Variants in ODAD2 observed in about 807,000 individuals in gnomAD.
ODAD2 encodes the protein outer dynein arm-docking complex subunit 2.
In ODAD2, 89 loss-of-function variants were observed where a neutral mutation model predicts 106.8. That is an observed-to-expected ratio of 0.83 (90% CI 0.70 to 0.99). The LOEUF (loss-of-function observed/expected upper bound fraction) is 0.99, where lower values mean the gene tolerates loss of function less well. Ranked by LOEUF, ODAD2 falls within the 50% of genes least tolerant of loss-of-function variation. ODAD2 has a pLI of 0.00. For synonymous variants in ODAD2, 404 were observed against 436.2 expected, an observed-to-expected ratio of 0.93 and a Z score of 0.92; for missense variants, 1,168 against 1,238.5, an observed-to-expected ratio of 0.94 and a Z score of 0.85.
intron 19 of ODAD2, among the ~76,000 whole-genome samples, chr10:27,848,418 G>T (rs912075718): frequency 6.6e-6 from 1 of 151,752 alleles, no homozygotes; most frequent in Admixed American, 6.6e-5. Flanking sequence ...TACAAAAATT[G>T]ATTCAAGATG....
At chr10:27,990,061 G>A (rs1033076697) in intron 2 of ODAD2, among the ~76,000 whole-genome samples, 26 of 152,148 alleles carry the variant, frequency 1.7e-4, no homozygotes, top group Non-Finnish European at 2.8e-4. Context: ...AACCAGAATC[G>A]TGGAAGGGAG....
At chr10:27,987,733 C>T (rs1043943273) in intron 2 of ODAD2, among the ~76,000 whole-genome samples, 190 bp from the exon 3 acceptor site, 13 of 151,862 alleles carry the variant, frequency 8.6e-5, no homozygotes, top group African/African-American at 2.9e-4. Context: ...CTCAAACTTA[C>T]CAGCAAGCCT....
rs1835892739 is a variant in ODAD2 at position 27,813,434 on chromosome 10, T to A, written c.3022-809A>T. 3 of 152,236 alleles carry A rather than the reference T, an allele frequency of 2.0e-5. No homozygotes were observed. In the South Asian group the frequency reaches 6.2e-4, roughly 31 times the overall value. 9.4% of individuals were successfully genotyped at this position (152,236 alleles called of 1,614,324 possible). On this transcript the variant is annotated intron_variant, in intron 19 of 19. Coordinates refer to ENST00000305242, the MANE Select transcript of ODAD2 (RefSeq NM_018076.5). ...TAATGCTTTCTGTCCTTCTTTAGAT[T>A]CTAAATGCTTAAAGAAACGTACAGT...
chr10:27,971,252 T>G lies in ODAD2; in HGVS notation c.998A>C (p.Lys333Thr). The change falls in exon 8 of 20, where the codon AAG (lysine) becomes ACG (threonine). Residue 333 changes from lysine to threonine, a missense_variant. Physicochemically the swap from Lys to Thr is moderately conservative, Grantham distance 78. This residue lies in a region of ODAD2 where 430 missense variants were observed against 452.2 expected (regional missense o/e 0.95). Transcript: ENST00000305242. ...TTTGCGGAGGGCAGCTGCTTCTTCC[T>G]TCTTGGGGGCTTTGCCAAGCTGATC... ...EKDQLGKAPK[K>T]EEAAALRKDI... The G allele has an allele frequency of 6.2e-7, 1 of 1,613,724 alleles. No individual in the cohort carries two copies. The highest frequency in any genetic ancestry group is 2.2e-5 in the East Asian group (1 of 44,876).
At chr10:27,993,566 C>T (rs1850358597) in intron 2 of ODAD2, among the ~76,000 whole-genome samples, 1 of 151,984 alleles carries the variant, frequency 6.6e-6, no homozygotes. Context: ...AGGAGAATTG[C>T]TTGAACCAGA....
In ODAD2 at chr10:27,994,893, A is replaced by G. The variant is rs1348237775; in HGVS notation, c.224+26T>C. 3.1e-6 allele frequency: 5 copies of G among 1,611,794 alleles called. No homozygotes were observed. In the Admixed American group the frequency reaches 5.0e-5, roughly 16 times the overall value. ...ATACTATGTACAACGAAGATATCAA[A>G]TCCTAGAAGCAAGTAACTGGCTTAC... On this transcript the variant is annotated intron_variant, in intron 2 of 19. Transcript: ENST00000305242.
intron 10 of ODAD2, among the ~76,000 whole-genome samples, chr10:27,946,948 G>A (rs745554029): frequency 1.5e-4 from 23 of 152,066 alleles, no homozygotes; most frequent in Non-Finnish European, 2.6e-4. Context: ...CAACTGTCCC[G>A]TGAAGATGTC....
At chr10:27,977,334 G>T (rs936264743) in intron 7 of ODAD2, among the ~76,000 whole-genome samples, 10 of 151,820 alleles carry the variant, frequency 6.6e-5, no homozygotes, top group Non-Finnish European at 1.0e-4. Flanking sequence ...AGAGGCCAAG[G>T]TCGGCAGATC....
chr10:27,894,440 A>G (rs1160412893), intron 17 of ODAD2, among the ~76,000 whole-genome samples: 4 of 152,128 alleles, frequency 2.6e-5, no homozygotes, highest in Non-Finnish European at 5.9e-5. Context: ...ATGTACCACC[A>G]AGAAAATCAC....
intron 1 of ODAD2, among the ~76,000 whole-genome samples, chr10:27,997,961 A>C (rs1215557966): frequency 6.6e-6 from 1 of 152,258 alleles, no homozygotes; most frequent in East Asian, 1.9e-4. Context: ...GGATGTTTAC[A>C]TAAACTGGGA....
chr10:27,901,019 CA>C (rs1564482746), intron 17 of ODAD2, among the ~76,000 whole-genome samples: 1 of 152,172 alleles, frequency 6.6e-6, no homozygotes, highest in Non-Finnish European at 1.5e-5. Flanking sequence ...TCATCAGATT[CA>C]GCAAGATTGA....
intron 16 of ODAD2, among the ~76,000 whole-genome samples, chr10:27,931,316 G>T (rs574925812): frequency 6.6e-5 from 10 of 151,332 alleles, no homozygotes; most frequent in African/African-American, 2.4e-4. Flanking sequence ...CCCTGTTTGG[G>T]TGAATATAAT....
At chr10:27,924,988 GA>G (rs34887332) in intron 16 of ODAD2, among the ~76,000 whole-genome samples, 3,596 of 127,854 alleles carry the variant, frequency 0.028, 124 homozygotes, top group African/African-American at 0.1. Context: ...TATTTAAAAT[GA>G]AAAAAAAAAA....
Position 27,881,722 on chromosome 10 carries a change from A to C in ODAD2, c.2611-19100T>G, listed in dbSNP as rs962654934. On this transcript the variant is annotated intron_variant, in intron 17 of 19. Coordinates refer to ENST00000305242, the MANE Select transcript of ODAD2 (RefSeq NM_018076.5). ...ATTCTATGTTTATATAACTAAAACCACTTTTATTCATTAATTCATTTGGTA... is the reference window on the plus strand; with the variant it reads ...ATTCTATGTTTATATAACTAAAACCCCTTTTATTCATTAATTCATTTGGTA... 3.3e-5 allele frequency among the ~76,000 whole-genome samples: 5 copies of C among 152,300 alleles called. No individual in the cohort carries two copies. The East Asian group carries it at 9.6e-4, about 29-fold the overall frequency.
At chr10:27,932,274 TTATAC>T (rs1336895136) in intron 16 of ODAD2, among the ~76,000 whole-genome samples, 1 of 152,074 alleles carries the variant, frequency 6.6e-6, no homozygotes, top group African/African-American at 2.4e-5. Flanking sequence ...AAAGCCTATC[TTATAC>T]TAAAGTGTTG....
intron 2 of ODAD2, among the ~76,000 whole-genome samples, chr10:27,990,323 T>G (rs1488106368): frequency 6.6e-6 from 1 of 152,134 alleles, no homozygotes; most frequent in Admixed American, 6.6e-5. Flanking sequence ...GCTTATTTAT[T>G]CGTTGGTCTG....
chr10:27,963,773 T>G (rs1380610396), intron 9 of ODAD2, among the ~76,000 whole-genome samples: 2 of 151,320 alleles, frequency 1.3e-5, no homozygotes, highest in South Asian at 2.1e-4. Flanking sequence ...ATATATTGTA[T>G]GAATTTCATT....
chr10:27,892,593 T>C (rs1169188413), intron 17 of ODAD2, among the ~76,000 whole-genome samples: 5 of 152,206 alleles, frequency 3.3e-5, no homozygotes, highest in African/African-American at 1.2e-4. Context: ...ATACTTGCTT[T>C]CTCCAAAATG....
At position 27,984,211 on chromosome 10, in the gene ODAD2, C is replaced by T; in HGVS notation, c.655G>A (p.Val219Ile). The change falls in exon 5 of 20, where the codon GTC becomes ATC. Residue 219 changes from valine (V) to isoleucine (I), a missense_variant. Val to Ile is a conservative substitution (Grantham distance 29). Coordinates refer to ENST00000305242, the MANE Select transcript of ODAD2 (RefSeq NM_018076.5). ...KRFSGKGNQTVLESIEYTSDY... is the reference protein window; with the variant it reads ...KRFSGKGNQTILESIEYTSDY... ...GAGGTATATTCAATAGATTCCAAGA[C>T]TGTTTGGTTTCCTTTTCCTGAGAAA... The T allele has an allele frequency of 3.1e-6, 5 of 1,613,424 alleles. No homozygotes were observed. The highest frequency in any genetic ancestry group is 4.2e-6 in the Non-Finnish European group (5 of 1,179,446).
Sources: allele counts gnomAD v4.1 joint callset (sites outside exome capture counted in the v4.1 genomes callset), GRCh38; gene constraint gnomAD v4.1.1; regional missense constraint gnomAD v4.1.1; transcripts MANE v1.5; gene names NCBI Gene and HGNC (gene_info 2026-07-23, HGNC 2026-07-21).